The following PTPRO variants were observed in gnomAD, a reference collection of about 807,000 sequenced individuals.
The protein encoded by PTPRO is receptor-type tyrosine-protein phosphatase O.
PTPRO carries 62 observed loss-of-function variants against 145.2 expected under a neutral mutation model. That is an observed-to-expected ratio of 0.43 (90% confidence interval 0.35 to 0.53). The LOEUF is 0.53. Ranked by LOEUF, PTPRO falls within the 20% of genes least tolerant of loss-of-function variation. The probability of loss-of-function intolerance (pLI) is 0.01; values close to 1 mark genes in which losing one functional copy is unlikely to be tolerated. For synonymous variants in PTPRO, 565 were observed against 514.7 expected (o/e 1.10, Z -1.32); for missense variants, 1,345 against 1,482.7 (o/e 0.91, Z 1.53).
At chr12:15,344,883 C>T (rs1052891589) in intron 1 of PTPRO, among the ~76,000 whole-genome samples, 4 of 152,200 alleles carry the variant, frequency 2.6e-5, no homozygotes, top group Non-Finnish European at 4.4e-5. Context: ...ACCAGTTCAT[C>T]GTCACCCACT....
intron 11 of PTPRO, 39 bp from the exon 12 acceptor site, chr12:15,526,103 C>T (rs1430963298): frequency 6.2e-7 from 1 of 1,613,286 alleles, no homozygotes; most frequent in Admixed American, 1.7e-5. Context: ...CTGATTCATT[C>T]ACTAAAAGTT....
At chr12:15,427,806 T>C (rs2136335979) in intron 1 of PTPRO, among the ~76,000 whole-genome samples, 1 of 134,304 alleles carries the variant, frequency 7.4e-6, no homozygotes, top group East Asian at 2.3e-4. Context: ...TAGCAATTTG[T>C]TCTTGCTTTA....
At chr12:15,457,367 A>C (rs1295380653) in intron 1 of PTPRO, among the ~76,000 whole-genome samples, 1 of 152,192 alleles carries the variant, frequency 6.6e-6, no homozygotes, top group Non-Finnish European at 1.5e-5. Context: ...CATGTATCCT[A>C]TTAGTTCTGT....
At chr12:15,546,755 C>T (rs1454415670) in intron 13 of PTPRO, 47 bp downstream of exon 13, 4 of 1,606,342 alleles carry the variant, frequency 2.5e-6, no homozygotes. Flanking sequence ...TTAAGTAAGG[C>T]TAATTATCTG....
intron 1 of PTPRO, among the ~76,000 whole-genome samples, chr12:15,438,022 C>T (rs1940648710): frequency 6.6e-6 from 1 of 152,208 alleles, no homozygotes; most frequent in African/African-American, 2.4e-5. Context: ...CCACAGCTGG[C>T]TGTTATCTAC....
In PTPRO at chr12:15,501,789, C is replaced by G; in HGVS notation, c.831C>G (p.Gly277=). 1.2e-6 allele frequency: 2 copies of G among 1,614,104 alleles called. No individual in the cohort carries two copies. Among genetic ancestry groups the G allele is most frequent in the Non-Finnish European group, 1.7e-6 (2 of 1,180,006 alleles). The change falls in exon 5 of 27, where the codon GGC becomes GGG. Residue 277 remains glycine, a synonymous_variant. Transcript: ENST00000281171. The part of the protein sequence containing the change: ...FTEETPEIPS[G]NISSGWPDFN... ...AAGAAACCCCTGAAATTCCCTCGGG[C>G]AACATTTCTTCCGGTTGGCCTGATT... is the stretch of plus-strand genomic sequence containing the variant.
chr12:15,509,682 G>A (rs1185026155), intron 7 of PTPRO, among the ~76,000 whole-genome samples: 13 of 110,094 alleles, frequency 1.2e-4, no homozygotes, highest in East Asian at 6.2e-4. Flanking sequence ...GTGAGACTCC[G>A]TCTCAAAAAA....
chr12:15,433,691 T>G (rs1940515320), intron 1 of PTPRO, among the ~76,000 whole-genome samples: 1 of 152,210 alleles, frequency 6.6e-6, no homozygotes, highest in Non-Finnish European at 1.5e-5. Flanking sequence ...ATTTCTGGGC[T>G]CTCTATTCTG....
At chr12:15,336,045 C>T (rs925368868) in intron 1 of PTPRO, among the ~76,000 whole-genome samples, 3 of 152,104 alleles carry the variant, frequency 2.0e-5, no homozygotes, top group South Asian at 2.1e-4. Context: ...TCATCATGCA[C>T]GAGAATTCTG....
At chr12:15,426,729 A>C (rs996027676) in intron 1 of PTPRO, among the ~76,000 whole-genome samples, 1 of 152,006 alleles carries the variant, frequency 6.6e-6, no homozygotes, top group Non-Finnish European at 1.5e-5. Context: ...CAAAGATTTT[A>C]CCCAAATTTC....
At chr12:15,591,377 A>AC (rs1350454635) in intron 25 of PTPRO, among the ~76,000 whole-genome samples, 5 of 151,978 alleles carry the variant, frequency 3.3e-5, no homozygotes, top group African/African-American at 1.2e-4. Context: ...TCTCAAAAAA[A>AC]ACAAAAAAAA....
intron 1 of PTPRO, among the ~76,000 whole-genome samples, chr12:15,381,520 T>G (rs1938861667): frequency 6.6e-6 from 1 of 152,112 alleles, no homozygotes. Flanking sequence ...AGTTCCTACT[T>G]CTCATCATTA....
intron 1 of PTPRO, among the ~76,000 whole-genome samples, chr12:15,375,875 T>C (rs1441952969): frequency 1.3e-5 from 2 of 152,018 alleles, no homozygotes; most frequent in Non-Finnish European, 2.9e-5. Context: ...AACAGCATAT[T>C]TGAGTTGGCA....
chr12:15,439,900 G>A (rs1030330324), intron 1 of PTPRO: 2 of 660,118 alleles, frequency 3.0e-6, no homozygotes, highest in East Asian at 2.7e-5. Context: ...AGTTCAAGGT[G>A]TTTGTTGCCA....
rs112559993 is a variant in PTPRO, at chr12:15,572,970, C to T, written c.2829+3472C>T. On this transcript the variant is annotated intron_variant, in intron 19 of 26. Transcript: ENST00000281171. ...CGCACAATAGAGAATTGTCCTAGGC[C>T]GAAAGTGTTTGATTGAGAAATATGG... 1.5e-3 allele frequency among the ~76,000 whole-genome samples: 226 copies of T among 152,086 alleles called. 1 individual carries two copies. The highest frequency in any genetic ancestry group is 5.3e-3 in the African/African-American group (218 of 41,470).
In PTPRO at chr12:15,501,585, A is replaced by T. The variant is rs746947049; in HGVS notation, c.662-35A>T. 1.5e-5 allele frequency: 23 copies of T among 1,565,012 alleles called. 1 individual carries two copies. The South Asian group carries it at 2.4e-4, about 17-fold the overall frequency. On this transcript the variant is annotated intron_variant, in intron 4 of 26. Transcript: ENST00000281171. ...TAAGTATTCACTCTAATTGAATTAA[A>T]AAATACTTGAAAATGAAAATTCTCT... is the stretch of plus-strand genomic sequence containing the variant.
In PTPRO at chr12:15,380,111, T is replaced by C. The variant is rs115876645; in HGVS notation, c.75+57310T>C. ...ATATCACCTAATAATCACTTGGCCT[T>C]AAACAAGTTACTTGAATGTTCTCAG... On this transcript the variant is annotated intron_variant, in intron 1 of 26. Transcript: ENST00000281171. 4.2e-3 allele frequency among the ~76,000 whole-genome samples: 642 copies of C among 152,278 alleles called. 5 individuals carry two copies. Among genetic ancestry groups the C allele is most frequent in the African/African-American group, 0.015 (604 of 41,568 alleles).
At chr12:15,514,963 C>T (rs1407888178) in intron 7 of PTPRO, among the ~76,000 whole-genome samples, 1 of 151,876 alleles carries the variant, frequency 6.6e-6, no homozygotes, top group Non-Finnish European at 1.5e-5. Context: ...CAGGGTTTCA[C>T]TATGTTCGTC....
At chr12:15,373,263 G>C (rs1440804931) in intron 1 of PTPRO, among the ~76,000 whole-genome samples, 4 of 152,164 alleles carry the variant, frequency 2.6e-5, no homozygotes, top group African/African-American at 9.7e-5. Context: ...TAGCATGATG[G>C]TGACAGCAAA....
Sources: allele counts gnomAD v4.1 joint callset (sites outside exome capture counted in the v4.1 genomes callset), GRCh38; gene constraint gnomAD v4.1.1; transcripts MANE v1.5; gene names NCBI Gene and HGNC (gene_info 2026-07-23, HGNC 2026-07-21).